NEGR1: variants seen among roughly 807,000 people sequenced by gnomAD.
NEGR1 encodes neuronal growth regulator 1.
Under a neutral mutation model 40.9 loss-of-function variants are expected in NEGR1, and 10 were observed. The observed-to-expected ratio is 0.24, with a 90% CI of 0.15 to 0.42. The LOEUF (loss-of-function observed/expected upper bound fraction) is 0.42, where lower values mean the gene tolerates loss of function less well. Ranked by LOEUF, NEGR1 falls within the 10% of genes least tolerant of loss-of-function variation. The pLI is 1.00. For missense variants in NEGR1, 352 were observed against 438.9 expected, an observed-to-expected ratio of 0.80 and a Z score of 1.77; for synonymous variants, 185 against 166.8, an observed-to-expected ratio of 1.11 and a Z score of -0.84.
At chr1:71,688,893 C>T (rs1653157450) in intron 4 of NEGR1, among the ~76,000 whole-genome samples, 1 of 152,066 alleles carries the variant, frequency 6.6e-6, no homozygotes, top group Non-Finnish European at 1.5e-5. Context: ...TTATAATTGT[C>T]TCCAGTTTTT....
At chr1:71,821,210 C>T (rs1433370117) in intron 2 of NEGR1, among the ~76,000 whole-genome samples, 1 of 151,896 alleles carries the variant, frequency 6.6e-6, no homozygotes, top group Non-Finnish European at 1.5e-5. Context: ...TCTGGATAAC[C>T]CACAGTACTT....
At chr1:71,696,167 T>C (rs1653468118) in intron 4 of NEGR1, among the ~76,000 whole-genome samples, 1 of 151,822 alleles carries the variant, frequency 6.6e-6, no homozygotes, top group Admixed American at 6.6e-5. Context: ...ATGGATAGAC[T>C]CTCTTCTATC....
intron 2 of NEGR1, among the ~76,000 whole-genome samples, chr1:71,844,333 T>C (rs1659333841): frequency 6.6e-6 from 1 of 152,176 alleles, no homozygotes; most frequent in Non-Finnish European, 1.5e-5. Flanking sequence ...AGTGTCCAAA[T>C]CAGGGCCTCC....
chr1:71,668,337 T>C (rs1468105097), intron 4 of NEGR1, among the ~76,000 whole-genome samples: 3 of 152,206 alleles, frequency 2.0e-5, no homozygotes, highest in African/African-American at 7.2e-5. Context: ...TGCCGTTCCC[T>C]GGGTAGCAGT....
At chr1:71,638,034 G>A (rs1332690639) in intron 4 of NEGR1, among the ~76,000 whole-genome samples, 1 of 151,954 alleles carries the variant, frequency 6.6e-6, no homozygotes, top group Non-Finnish European at 1.5e-5. Flanking sequence ...AGAGGTTAAG[G>A]AATCTTCCCA....
intron 1 of NEGR1, among the ~76,000 whole-genome samples, chr1:72,223,407 A>C (rs1654075017): frequency 6.6e-6 from 1 of 152,194 alleles, no homozygotes; most frequent in African/African-American, 2.4e-5. Context: ...ATACAGGACA[A>C]AGACTTTTGA....
intron 1 of NEGR1, among the ~76,000 whole-genome samples, chr1:72,106,917 A>G (rs1649157094): frequency 1.3e-5 from 2 of 151,936 alleles, no homozygotes; most frequent in African/African-American, 4.8e-5. Context: ...CATGTCATGA[A>G]TTCAGGTAAA....
chr1:71,923,078 A>G (rs1400267742), intron 2 of NEGR1, among the ~76,000 whole-genome samples: 1 of 151,878 alleles, frequency 6.6e-6, no homozygotes, highest in Non-Finnish European at 1.5e-5. Flanking sequence ...TCACTCCTTC[A>G]CTCTATCATC....
intron 2 of NEGR1, among the ~76,000 whole-genome samples, chr1:71,845,753 A>G (rs1326540339): frequency 6.6e-6 from 1 of 151,802 alleles, no homozygotes; most frequent in African/African-American, 2.4e-5. Flanking sequence ...CTACCTACCT[A>G]CCTACATATC....
chr1:71,434,296 G>A lies in NEGR1; in HGVS notation c.941-26726C>T, dbSNP rs901573610. ...CAAATCTATTATAAAAACTTAAACT[G>A]ATGCAGACTGTGCATAGTGCTACTC... On this transcript the variant is annotated intron_variant, in intron 6 of 6. Coordinates refer to ENST00000357731, the MANE Select transcript of NEGR1 (RefSeq NM_173808.3). 7.1e-4 allele frequency among the ~76,000 whole-genome samples: 108 copies of A among 152,242 alleles called. 1 individual carries two copies. Among genetic ancestry groups the A allele is most frequent in the African/African-American group, 2.5e-3 (105 of 41,538 alleles).
chr1:72,242,833 A>G (rs534169985), intron 1 of NEGR1, among the ~76,000 whole-genome samples: 162 of 151,760 alleles, frequency 1.1e-3, no homozygotes, highest in African/African-American at 3.6e-3. Flanking sequence ...GAAAGCTGAG[A>G]TTTGAGTTGT....
intron 3 of NEGR1, among the ~76,000 whole-genome samples, chr1:71,758,291 T>C (rs1337242057): frequency 1.3e-5 from 2 of 152,128 alleles, no homozygotes; most frequent in Non-Finnish European, 2.9e-5. Flanking sequence ...TAATTATTAG[T>C]TTTATTAATG....
At chr1:71,814,545 C>T (rs1174565204) in intron 2 of NEGR1, among the ~76,000 whole-genome samples, 3 of 151,966 alleles carry the variant, frequency 2.0e-5, no homozygotes, top group Non-Finnish European at 2.9e-5. Flanking sequence ...TGGTCCTGGG[C>T]TTTTTATGGT....
chr1:71,483,358 A>C (rs1385559982), intron 6 of NEGR1, among the ~76,000 whole-genome samples: 1 of 151,788 alleles, frequency 6.6e-6, no homozygotes, highest in Non-Finnish European at 1.5e-5. Context: ...ATGACATAAT[A>C]TAAGTTATAT....
chr1:71,649,389 A>G (rs555263344), intron 4 of NEGR1, among the ~76,000 whole-genome samples: 1 of 152,274 alleles, frequency 6.6e-6, no homozygotes, highest in South Asian at 2.1e-4. Context: ...ACATAAGAGC[A>G]AAGTACATGG....
chr1:72,281,541 T>TG lies in NEGR1; in HGVS notation c.176+777dup, dbSNP rs567810415. 4.7e-5 allele frequency among the ~76,000 whole-genome samples: 7 copies of TG among 149,116 alleles called. No individual in the cohort carries two copies. The South Asian group carries it at 1.5e-3, about 32-fold the overall frequency. On this transcript the variant is annotated intron_variant, in intron 1 of 6. Transcript: ENST00000357731. ...ACGGTATGGGGAGAGGGATGAGAAA[T>TG]GGGAGTCAAAAGAGGGAAGACAGGG...
intron 5 of NEGR1, among the ~76,000 whole-genome samples, chr1:71,593,543 C>A (rs909539865): frequency 6.6e-6 from 1 of 152,178 alleles, no homozygotes; most frequent in Non-Finnish European, 1.5e-5. Flanking sequence ...TTGGAGATAG[C>A]ATTTAAAGTT....
At chr1:71,673,277 TATC>T (rs1652497946) in intron 4 of NEGR1, among the ~76,000 whole-genome samples, 1 of 152,156 alleles carries the variant, frequency 6.6e-6, no homozygotes, top group African/African-American at 2.4e-5. Context: ...ATCAGCCTAT[TATC>T]ATACTAATGG....
chr1:71,699,665 T>A (rs548213699), intron 3 of NEGR1, among the ~76,000 whole-genome samples: 58 of 152,002 alleles, frequency 3.8e-4, no homozygotes, highest in African/African-American at 1.4e-3. Context: ...ATATACTACA[T>A]CAGGTACTGA....
Sources: gnomAD v4.1 joint callset for allele counts (sites outside exome capture counted in the v4.1 genomes callset) on GRCh38, gnomAD v4.1.1 for gene constraint, MANE v1.5 for transcripts, NCBI Gene and HGNC (gene_info 2026-07-23, HGNC 2026-07-21) for gene names.